Variants in NTAQ1 observed in about 807,000 individuals in gnomAD.
NTAQ1 encodes the protein N-terminal glutamine amidase 1.
In NTAQ1, 21 loss-of-function variants were observed where a neutral mutation model predicts 28.2. The observed-to-expected ratio is 0.74, with a 90% confidence interval of 0.53 to 1.07. NTAQ1 has a LOEUF of 1.07. NTAQ1 is among the 50% of genes least tolerant of loss of function. The pLI, the probability that NTAQ1 is intolerant of heterozygous loss-of-function variation, is 0.00. For synonymous variants in NTAQ1, 105 were observed against 90.0 expected (o/e 1.17, Z -0.94); for missense variants, 264 against 256.6 (o/e 1.03, Z -0.20).
At chr8:123,465,042 A>G (rs1044170582) in intron 6 of NTAQ1, among the ~76,000 whole-genome samples, 1 of 152,102 alleles carries the variant, frequency 6.6e-6, no homozygotes, top group African/African-American at 2.4e-5. Flanking sequence ...TGTCTCAGGA[A>G]AAAAAAGTGT....
downstream of NTAQ1, among the ~76,000 whole-genome samples, chr8:123,446,397 T>C (rs1440926242): frequency 6.6e-6 from 1 of 152,240 alleles, no homozygotes; most frequent in Non-Finnish European, 1.5e-5. Context: ...ATAAGGCCTC[T>C]GCCACAACTA....
Position 123,441,336 on chromosome 8 carries a change from G to T in NTAQ1, c.539G>T (p.Ser180Ile). ...DSKMNLNDFI[S>I]MDPKVGWGAV... ...AAAATGAACCTGAACGATTTCATCA[G>T]TATGGATCCCAAGGTAGGATGGGGC... Residue 180 changes from serine (S) to isoleucine (I), a missense_variant, in exon 6 of 6, where the codon AGT (serine) becomes ATT (isoleucine). Ser to Ile is a moderately radical substitution (Grantham distance 142). Coordinates refer to ENST00000287387, the MANE Select transcript of NTAQ1 (RefSeq NM_018024.3). 1 of 1,611,898 alleles carries T rather than the reference G, an allele frequency of 6.2e-7. No individual in the cohort carries two copies. Among genetic ancestry groups the T allele is most frequent in the Non-Finnish European group, 8.5e-7 (1 of 1,178,844 alleles).
chr8:123,468,927 G>A (rs923819731), exon 7 of NTAQ1, among the ~76,000 whole-genome samples: 1 of 152,148 alleles, frequency 6.6e-6, no homozygotes, highest in Admixed American at 6.5e-5. Context: ...ATGGGAGTGA[G>A]GTGATATCTC....
At chr8:123,465,040 G>GA (rs1352120144) in intron 6 of NTAQ1, among the ~76,000 whole-genome samples, 2 of 151,602 alleles carry the variant, frequency 1.3e-5, no homozygotes, top group African/African-American at 4.8e-5. Context: ...TCTGTCTCAG[G>GA]AAAAAAAAGT....
intron 4 of NTAQ1, 42 bp from the exon 5 acceptor site, chr8:123,437,168 A>T: frequency 6.2e-7 from 1 of 1,601,634 alleles, no homozygotes; most frequent in East Asian, 2.2e-5. Flanking sequence ...AATTTCAAAC[A>T]TGACATCTCC....
At chr8:123,437,381 C>T in intron 5 of NTAQ1, 47 bp downstream of exon 5, 2 of 1,605,658 alleles carry the variant, frequency 1.2e-6, no homozygotes, top group Non-Finnish European at 1.7e-6. Flanking sequence ...TGATCACATA[C>T]ACATCAGCAT....
chr8:123,422,303 TCTCA>T (rs1482941067), intron 1 of NTAQ1, among the ~76,000 whole-genome samples: 1 of 148,622 alleles, frequency 6.7e-6, no homozygotes, highest in Non-Finnish European at 1.5e-5. Context: ...TGAGACAGGG[TCTCA>T]CTCTGTCACC....
intron 1 of NTAQ1, among the ~76,000 whole-genome samples, chr8:123,420,361 A>G (rs1380217724): frequency 2.6e-5 from 4 of 152,122 alleles, no homozygotes; most frequent in Middle Eastern, 3.2e-3. Context: ...GCTATCATGA[A>G]TAGTGCTGTG....
chr8:123,453,373 T>C (rs1815559130), intron 6 of NTAQ1, among the ~76,000 whole-genome samples: 2 of 152,124 alleles, frequency 1.3e-5, no homozygotes, highest in African/African-American at 4.8e-5. Flanking sequence ...ATTGTGTGTG[T>C]GTTGGCAGGG....
intron 3 of NTAQ1, among the ~76,000 whole-genome samples, chr8:123,431,961 A>T (rs1306248870): frequency 1.3e-5 from 2 of 152,086 alleles, no homozygotes; most frequent in Non-Finnish European, 2.9e-5. Flanking sequence ...CATCCTAGGG[A>T]AACTTGGAGG....
chr8:123,430,857 T>C (rs1231537140), intron 3 of NTAQ1, among the ~76,000 whole-genome samples: 1 of 152,212 alleles, frequency 6.6e-6, no homozygotes, highest in Non-Finnish European at 1.5e-5. Context: ...GATGAACTCC[T>C]AGGTGAACAT....
intron 1 of NTAQ1, among the ~76,000 whole-genome samples, chr8:123,417,171 G>A (rs547022843): frequency 6.6e-6 from 1 of 152,388 alleles, no homozygotes; most frequent in East Asian, 1.9e-4. Flanking sequence ...CATTACCTGT[G>A]CCTGGCGCTT....
At chr8:123,420,037 A>G (rs1026728733) in intron 1 of NTAQ1, among the ~76,000 whole-genome samples, 1 of 151,874 alleles carries the variant, frequency 6.6e-6, no homozygotes, top group African/African-American at 2.4e-5. Flanking sequence ...ATACTACCAG[A>G]TAGATAGTTT....
downstream of NTAQ1, among the ~76,000 whole-genome samples, chr8:123,450,312 C>G (rs3912357): frequency 0.99 from 150,513 of 151,644 alleles, 74,698 homozygotes; most frequent in East Asian, 1. Flanking sequence ...GGTTTTGGCA[C>G]TGTGGAGGTC....
chr8:123,445,203 G>T (rs551919908), downstream of NTAQ1, among the ~76,000 whole-genome samples: 1 of 150,734 alleles, frequency 6.6e-6, no homozygotes, highest in South Asian at 2.1e-4. Flanking sequence ...AGGTTATTTT[G>T]TATCCTTCTT....
downstream of NTAQ1, among the ~76,000 whole-genome samples, chr8:123,447,033 C>A (rs1475745583): frequency 8.1e-5 from 5 of 61,920 alleles, no homozygotes; most frequent in Non-Finnish European, 1.7e-4. Context: ...CTTGAATATT[C>A]TGTCTGTCTA....
chr8:123,432,846 A>AT (rs1338424958), intron 3 of NTAQ1, among the ~76,000 whole-genome samples: 4 of 151,778 alleles, frequency 2.6e-5, no homozygotes, highest in African/African-American at 7.3e-5. Flanking sequence ...CGCCTGGCTA[A>AT]TTTTTTTATT....
intron 6 of NTAQ1, among the ~76,000 whole-genome samples, chr8:123,462,851 G>T (rs1001326877): frequency 6.6e-6 from 1 of 152,182 alleles, no homozygotes; most frequent in Non-Finnish European, 1.5e-5. Flanking sequence ...GCAAACTGGG[G>T]AACAGGAACT....
intron 5 of NTAQ1, 68 bp from the exon 6 acceptor site, chr8:123,441,238 A>G (rs1021161484): frequency 1.6e-6 from 2 of 1,231,754 alleles, no homozygotes; most frequent in Non-Finnish European, 2.3e-6. Flanking sequence ...GGTCTTCTGC[A>G]TTGTTTTATT....
Sources: gnomAD v4.1 joint callset for allele counts (sites outside exome capture counted in the v4.1 genomes callset) on GRCh38, gnomAD v4.1.1 for gene constraint, MANE v1.5 for transcripts, NCBI Gene and HGNC (gene_info 2026-07-23, HGNC 2026-07-21) for gene names.